Variants in MYO16 observed in about 807,000 individuals in gnomAD.
MYO16 encodes unconventional myosin-XVI.
In MYO16, 94 loss-of-function variants were observed where a neutral mutation model predicts 205.3. The ratio of observed to expected loss-of-function variants is 0.46; its 90% CI spans 0.39 to 0.54. The LOEUF is 0.54. MYO16 is among the 20% of genes least tolerant of loss of function. The pLI, the probability that MYO16 is intolerant of heterozygous loss-of-function variation, is 0.00. For synonymous variants in MYO16, 988 were observed against 954.0 expected, an observed-to-expected ratio of 1.04 and a Z score of -0.66; for missense variants, 2,315 against 2,387.5, an observed-to-expected ratio of 0.97 and a Z score of 0.63.
chr13:108,622,565 A>T (rs1442798063), intron 1 of MYO16, among the ~76,000 whole-genome samples: 2 of 151,550 alleles, frequency 1.3e-5, no homozygotes, highest in South Asian at 2.1e-4. Flanking sequence ...TTACTCTGAG[A>T]AGTCCTTCCA....
At chr13:108,991,347 A>C (rs1399519259) in intron 20 of MYO16, among the ~76,000 whole-genome samples, 1 of 152,154 alleles carries the variant, frequency 6.6e-6, no homozygotes, top group Non-Finnish European at 1.5e-5. Context: ...AGTAAATTCT[A>C]TTTCCAAGAG....
intron 33 of MYO16, among the ~76,000 whole-genome samples, chr13:109,172,738 A>C (rs1878971990): frequency 6.6e-6 from 1 of 152,222 alleles, no homozygotes; most frequent in African/African-American, 2.4e-5. Flanking sequence ...AAGAAATATT[A>C]CCTATACACA....
chr13:109,102,464 A>C (rs1230833221), intron 28 of MYO16, among the ~76,000 whole-genome samples: 1 of 143,088 alleles, frequency 7.0e-6, no homozygotes, highest in Admixed American at 7.5e-5. Flanking sequence ...AATGATATAC[A>C]TATATGTATA....
At chr13:109,061,894 A>G (rs1887605428) in intron 27 of MYO16, among the ~76,000 whole-genome samples, 1 of 152,162 alleles carries the variant, frequency 6.6e-6, no homozygotes, top group Admixed American at 6.5e-5. Flanking sequence ...AAGTGCATTT[A>G]GTGTATTTTT....
intron 16 of MYO16, among the ~76,000 whole-genome samples, chr13:108,917,077 C>T (rs908519784): frequency 1.3e-5 from 2 of 152,172 alleles, no homozygotes; most frequent in South Asian, 2.1e-4. Context: ...CGGCTTCTCT[C>T]TGTCACACTC....
chr13:108,829,834 A>T (rs1356373435), intron 9 of MYO16, among the ~76,000 whole-genome samples: 1 of 152,196 alleles, frequency 6.6e-6, no homozygotes, highest in African/African-American at 2.4e-5. Flanking sequence ...GATTTGGGAA[A>T]GCTCTGAAAA....
chr13:108,581,475 C>T, the MYO16 span, among the ~76,000 whole-genome samples: 1 of 152,080 alleles, frequency 6.6e-6, no homozygotes, highest in East Asian at 1.9e-4. Flanking sequence ...ATCTCTCGCC[C>T]TTCTTCTTGC....
the MYO16 span, among the ~76,000 whole-genome samples, chr13:108,590,516 A>T: frequency 3.3e-5 from 5 of 152,166 alleles, 1 homozygote; most frequent in Admixed American, 2.6e-4. Context: ...AATCAATGAG[A>T]CCTGCAAATG....
At chr13:109,103,458 T>G (rs1489978113) in intron 28 of MYO16, among the ~76,000 whole-genome samples, 18 of 152,226 alleles carry the variant, frequency 1.2e-4, no homozygotes, top group Non-Finnish European at 2.9e-5. Context: ...GAATGGTTAC[T>G]CTTTTCCATA....
intron 11 of MYO16, among the ~76,000 whole-genome samples, chr13:108,864,365 C>A (rs1339555980): frequency 1.3e-5 from 2 of 151,846 alleles, no homozygotes; most frequent in Non-Finnish European, 2.9e-5. Flanking sequence ...ATTTTAATTC[C>A]TTTTTAACTC....
intron 1 of MYO16, among the ~76,000 whole-genome samples, chr13:108,643,745 A>G (rs1880614465): frequency 6.6e-6 from 1 of 152,230 alleles, no homozygotes; most frequent in Non-Finnish European, 1.5e-5. Context: ...TATTATGAGT[A>G]GAGCCTTTAT....
At chr13:108,846,512 A>G (rs938563491) in intron 10 of MYO16, among the ~76,000 whole-genome samples, 2 of 104,306 alleles carry the variant, frequency 1.9e-5, no homozygotes, top group African/African-American at 7.3e-5. Flanking sequence ...GTGTGTATAT[A>G]CATATATCCT....
At chr13:108,598,607 T>C (rs1319398604) in intron 1 of MYO16, among the ~76,000 whole-genome samples, 2 of 152,174 alleles carry the variant, frequency 1.3e-5, no homozygotes, top group Non-Finnish European at 2.9e-5. Context: ...CTGGACTTGC[T>C]ACTTCATAGA....
chr13:108,552,956 C>T, the MYO16 span, among the ~76,000 whole-genome samples: 33 of 150,218 alleles, frequency 2.2e-4, no homozygotes, highest in African/African-American at 5.1e-4. Context: ...GTGGAGCCCT[C>T]GGTCTAATCC....
At chr13:108,589,384 G>C in the MYO16 span, among the ~76,000 whole-genome samples, 1 of 151,998 alleles carries the variant, frequency 6.6e-6, no homozygotes, top group Non-Finnish European at 1.5e-5. Flanking sequence ...TATAGCCCTT[G>C]ATGTTTTCAT....
intron 1 of MYO16, among the ~76,000 whole-genome samples, chr13:108,635,657 C>T (rs1251517434): frequency 2.0e-5 from 3 of 151,942 alleles, no homozygotes; most frequent in Non-Finnish European, 2.9e-5. Context: ...CGTGCCACCA[C>T]ACTCGGCTAA....
chr13:108,815,763 A>C (rs1819619), intron 7 of MYO16, among the ~76,000 whole-genome samples: 134,373 of 152,190 alleles, frequency 0.88, 61,657 homozygotes, highest in Non-Finnish European at 1. Context: ...GCCTGGCAGT[A>C]TTTTTTATAG....
At chr13:108,999,562 A>G (rs1885146386) in intron 21 of MYO16, among the ~76,000 whole-genome samples, 1 of 152,232 alleles carries the variant, frequency 6.6e-6, no homozygotes, top group Non-Finnish European at 1.5e-5. Context: ...TATAGATAGC[A>G]TGATTATTGG....
intron 33 of MYO16, among the ~76,000 whole-genome samples, chr13:109,173,954 G>GGGT (rs1879046489): frequency 6.8e-6 from 1 of 147,590 alleles, no homozygotes; most frequent in Non-Finnish European, 1.5e-5. Flanking sequence ...TGATGGGGGG[G>GGGT]GGTACTCTCT....
Sources: allele counts gnomAD v4.1 joint callset (sites outside exome capture counted in the v4.1 genomes callset), GRCh38; gene constraint gnomAD v4.1.1; transcripts MANE v1.5; gene names NCBI Gene and HGNC (gene_info 2026-07-23, HGNC 2026-07-21).